The following OSTF1 variants were observed in gnomAD, a reference collection of about 807,000 sequenced individuals.
OSTF1 encodes the protein osteoclast stimulating factor 1, also known as osteoclast-stimulating factor 1.
A neutral mutation model predicts 37.2 loss-of-function variants in OSTF1; 27 were observed. The ratio of observed to expected loss-of-function variants is 0.73; its 90% CI spans 0.54 to 1.00. The LOEUF is 1.00. Among genes scored for constraint, OSTF1 ranks in the 50% least tolerant of loss-of-function variants. The pLI is 0.00. For missense variants in OSTF1, 232 were observed against 253.8 expected, an observed-to-expected ratio of 0.91 and a Z score of 0.58; for synonymous variants, 82 against 89.2, an observed-to-expected ratio of 0.92 and a Z score of 0.46.
chr9:75,091,524 C>T (rs1824975692), intron 1 of OSTF1, among the ~76,000 whole-genome samples: 3 of 152,206 alleles, frequency 2.0e-5, no homozygotes, highest in Admixed American at 1.3e-4. Context: ...AGGTCAGCCC[C>T]TGGTTGACAG....
At chr9:75,108,018 C>A (rs1394213778) in intron 1 of OSTF1, among the ~76,000 whole-genome samples, 2 of 152,068 alleles carry the variant, frequency 1.3e-5, no homozygotes, top group Non-Finnish European at 2.9e-5. Context: ...GGGAGGATTG[C>A]TTGAAGCCAC....
At chr9:75,145,045 GT>G (rs1306137181) in intron 9 of OSTF1, among the ~76,000 whole-genome samples, 2 of 152,070 alleles carry the variant, frequency 1.3e-5, no homozygotes, top group East Asian at 1.9e-4. Flanking sequence ...TGTCCTTTAT[GT>G]TTTTGTCAAT....
chr9:75,099,500 G>C (rs540697775), intron 1 of OSTF1, among the ~76,000 whole-genome samples: 5 of 152,152 alleles, frequency 3.3e-5, no homozygotes, highest in African/African-American at 1.2e-4. Context: ...GGACCTCCTG[G>C]GCTGAAACAG....
intron 1 of OSTF1, among the ~76,000 whole-genome samples, chr9:75,102,338 T>C (rs1825207746): frequency 6.6e-6 from 1 of 152,192 alleles, no homozygotes; most frequent in Non-Finnish European, 1.5e-5. Context: ...TGTGAAATGC[T>C]CTGGGCTGGT....
intron 1 of OSTF1, among the ~76,000 whole-genome samples, chr9:75,116,161 A>G (rs2118509936): frequency 6.6e-6 from 1 of 152,024 alleles, no homozygotes; most frequent in South Asian, 2.1e-4. Context: ...TTACAATATA[A>G]CTATTTACAT....
chr9:75,089,065 T>A (rs1488381025), intron 1 of OSTF1, among the ~76,000 whole-genome samples: 1 of 152,036 alleles, frequency 6.6e-6, no homozygotes, highest in Non-Finnish European at 1.5e-5. Context: ...GATCTCCCTT[T>A]AAAAAATGTC....
chr9:75,142,893 T>A (rs1825964770), intron 9 of OSTF1, among the ~76,000 whole-genome samples: 1 of 152,162 alleles, frequency 6.6e-6, no homozygotes, highest in African/African-American at 2.4e-5. Flanking sequence ...GAGTTAATTG[T>A]CAGCATGAAC....
In OSTF1 at chr9:75,137,437, AG is replaced by A. The variant is rs1314954576; in HGVS notation, c.409-99del. ...GGTTCTATAACTTTGTTCCCATTTT[AG>A]GTTTAACTTTTAGGTTTAACTGGGT... On this transcript the variant is annotated intron_variant, in intron 7 of 9. Coordinates refer to ENST00000346234, the MANE Select transcript of OSTF1 (RefSeq NM_012383.5). 3 of 730,974 alleles carry A rather than the reference AG, an allele frequency of 4.1e-6. No individual in the cohort carries two copies. The Admixed American group carries it at 7.3e-5, about 18-fold the overall frequency. 45.3% of individuals were successfully genotyped at this position (730,974 alleles called of 1,614,324 possible).
At chr9:75,124,853 G>T (rs7855951) in intron 2 of OSTF1, among the ~76,000 whole-genome samples, 33,262 of 152,060 alleles carry the variant, frequency 0.22, 3,747 homozygotes, top group Admixed American at 0.24. Flanking sequence ...TTTGACTTTT[G>T]TGATTTTAGA....
intron 1 of OSTF1, among the ~76,000 whole-genome samples, chr9:75,116,686 A>T (rs1166912789): frequency 6.8e-6 from 1 of 147,988 alleles, no homozygotes; most frequent in African/African-American, 2.5e-5. Context: ...ATTTAAGAAT[A>T]TTAAACCAGT....
intron 1 of OSTF1, among the ~76,000 whole-genome samples, chr9:75,099,197 C>G (rs975691377): frequency 6.6e-6 from 1 of 152,016 alleles, no homozygotes; most frequent in African/African-American, 2.4e-5. Context: ...CTCGGCCTCC[C>G]AAAGTGCTGG....
intron 4 of OSTF1, among the ~76,000 whole-genome samples, chr9:75,131,519 A>G (rs1436050436): frequency 6.6e-6 from 1 of 152,180 alleles, no homozygotes; most frequent in Non-Finnish European, 1.5e-5. Context: ...GTTTTTGTTT[A>G]TACTTCCAGT....
At chr9:75,093,372 T>A (rs955588268) in intron 1 of OSTF1, among the ~76,000 whole-genome samples, 1 of 152,184 alleles carries the variant, frequency 6.6e-6, no homozygotes. Flanking sequence ...AAAATCTTTT[T>A]AAAAATATTT....
At chr9:75,136,425 C>T (rs1202788596) in intron 7 of OSTF1, among the ~76,000 whole-genome samples, 1 of 152,070 alleles carries the variant, frequency 6.6e-6, no homozygotes, top group African/African-American at 2.4e-5. Flanking sequence ...TGGAGTCTCG[C>T]TCTGTTGTCC....
intron 5 of OSTF1, among the ~76,000 whole-genome samples, chr9:75,132,297 A>G (rs1825772653): frequency 1.3e-5 from 2 of 152,156 alleles, no homozygotes; most frequent in Admixed American, 1.3e-4. Context: ...TTGGCCAGGG[A>G]GGGCATGACT....
rs540458857 is a variant in OSTF1, at chr9:75,088,643, C to G, written c.-50C>G. 1 of 1,585,512 alleles carries G rather than the reference C, an allele frequency of 6.3e-7. No individual in the cohort carries two copies. The highest frequency in any genetic ancestry group is 8.6e-7 in the Non-Finnish European group (1 of 1,163,524). ...CCCGGAGTGCCAGGTGGCGGGCAAG[C>G]GGTGGGCTTTTCGGCGGGGTCTTTA... On this transcript the variant is annotated 5_prime_UTR_variant, in exon 1 of 10. Transcript: ENST00000346234.
chr9:75,132,077 G>A (rs1376981337), intron 5 of OSTF1, among the ~76,000 whole-genome samples: 1 of 152,216 alleles, frequency 6.6e-6, no homozygotes, highest in Non-Finnish European at 1.5e-5. Context: ...GTGGGGAGAT[G>A]CAAGTCGAAA....
chr9:75,088,682 C>T lies in OSTF1; in HGVS notation c.-11C>T. ...GCGGGGTCTTTAGGATTTGCAGCTC[C>T]AGGAAGCGAGATGTCGAAGCCGCCA... On this transcript the variant is annotated 5_prime_UTR_variant, in exon 1 of 10. Transcript: ENST00000346234. The T allele has an allele frequency of 6.2e-7, 1 of 1,607,920 alleles. No homozygotes were observed. The highest frequency in any genetic ancestry group is 8.5e-7 in the Non-Finnish European group (1 of 1,177,072).
rs1224299365 is a variant in OSTF1 at position 75,146,882 on chromosome 9, G to A, written c.*141G>A. On this transcript the variant is annotated 3_prime_UTR_variant, in exon 10 of 10. Coordinates refer to ENST00000346234, the MANE Select transcript of OSTF1 (RefSeq NM_012383.5). Reference sequence around the variant, plus strand: ...GTTGCACTGTGTTTGAGTAGAACGTGTAAATGAATTGTTCCCACCTTTGGT... The same window carrying A: ...GTTGCACTGTGTTTGAGTAGAACGTATAAATGAATTGTTCCCACCTTTGGT... 3 of 561,330 alleles carry A rather than the reference G, an allele frequency of 5.3e-6. No homozygotes were observed. In the African/African-American group the frequency reaches 5.9e-5, roughly 11 times the overall value. 34.8% of individuals were successfully genotyped at this position (561,330 alleles called of 1,614,324 possible).
Sources: gnomAD v4.1 joint callset for allele counts (sites outside exome capture counted in the v4.1 genomes callset) on GRCh38, gnomAD v4.1.1 for gene constraint, MANE v1.5 for transcripts, NCBI Gene and HGNC (gene_info 2026-07-23, HGNC 2026-07-21) for gene names.